Variants in TMEM150C observed in about 807,000 individuals in gnomAD.
TMEM150C encodes the protein transmembrane protein 150C.
Under a neutral mutation model 29.9 loss-of-function variants are expected in TMEM150C, and 10 were observed. That is an observed-to-expected ratio of 0.33 (90% CI 0.21 to 0.57). TMEM150C has a LOEUF of 0.57. TMEM150C is among the 20% of genes least tolerant of loss of function. The pLI, the probability that TMEM150C is intolerant of heterozygous loss-of-function variation, is 0.88. For synonymous variants in TMEM150C, 101 were observed against 112.5 expected (o/e 0.90, Z 0.64); for missense variants, 251 against 303.6 (o/e 0.83, Z 1.29).
chr4:82,499,924 C>A (rs975290352), intron 5 of TMEM150C, among the ~76,000 whole-genome samples: 2 of 151,994 alleles, frequency 1.3e-5, no homozygotes, highest in African/African-American at 2.4e-5. Context: ...TTTATGACTG[C>A]GGTAGAACAC....
At position 82,490,147 on chromosome 4, in the gene TMEM150C, A is replaced by T. The variant is rs1723287308; in HGVS notation, c.455T>A (p.Leu152His). ...LTCWIQAALT[L>H]KVNIKNEGRR... ...TCCTTCATTCTTGATGTTGACCTTG[A>T]GTGTCAGCGCAGCCTGGATCCAGCA... The change falls in exon 7 of 8, where the codon CTC becomes CAC. Residue 152 changes from leucine (L) to histidine (H), a missense_variant. Physicochemically the swap from Leu to His is moderately conservative, Grantham distance 99. Coordinates refer to ENST00000449862, the MANE Select transcript of TMEM150C (RefSeq NM_001080506.3). 1.2e-6 allele frequency: 2 copies of T among 1,613,896 alleles called. No individual in the cohort carries two copies. Among genetic ancestry groups the T allele is most frequent in the Admixed American group, 3.3e-5 (2 of 60,004 alleles).
At position 82,536,356 on chromosome 4, in the gene TMEM150C, CAAAAAAA is replaced by C. The variant is rs567469021; in HGVS notation, c.-11+25543_-11+25549del. The stretch of plus-strand genomic sequence containing the variant: ...CTGGCAACAGAGCGAGACTCCATCT[CAAAAAAA>C]AAAAAAAAAAAAAAAGAATTATTTA... On this transcript the variant is annotated intron_variant, in intron 1 of 7. Coordinates refer to ENST00000449862, the MANE Select transcript of TMEM150C (RefSeq NM_001080506.3). 4.7e-3 allele frequency among the ~76,000 whole-genome samples: 377 copies of C among 80,480 alleles called. 1 individual carries two copies. The highest frequency in any genetic ancestry group is 0.011 in the African/African-American group (352 of 31,756). 52.8% of individuals were successfully genotyped at this position (80,480 alleles called of 152,430 possible). A position where few individuals can be genotyped will look rare whatever the true frequency, so the allele number is the denominator to read the frequency against.
chr4:82,530,423 G>A (rs1241439243), intron 1 of TMEM150C, among the ~76,000 whole-genome samples: 1 of 152,120 alleles, frequency 6.6e-6, no homozygotes. Flanking sequence ...CGGGTGTGGT[G>A]GCGGGTGCCT....
intron 1 of TMEM150C, among the ~76,000 whole-genome samples, chr4:82,558,834 C>G (rs1198494331): frequency 6.6e-6 from 1 of 152,174 alleles, no homozygotes; most frequent in East Asian, 1.9e-4. Flanking sequence ...GCCATCATAT[C>G]CCCTGTGACC....
Position 82,485,650 on chromosome 4 carries a change from A to G in TMEM150C, c.611T>C (p.Phe204Ser), listed in dbSNP as rs1156544941. The change falls in exon 8 of 8, where the codon TTC becomes TCC. Residue 204 changes from phenylalanine to serine, a missense_variant. Phe to Ser is a radical substitution (Grantham distance 155, BLOSUM62 -2). Transcript: ENST00000449862. ...GGCAAAGGTGCCAAAATAAGACAGGAAGCACATGACCAGGCCCCACTGGAC... is the reference window on the plus strand; with the variant it reads ...GGCAAAGGTGCCAAAATAAGACAGGGAGCACATGACCAGGCCCCACTGGAC... ...ARVQWGLVMCFLSYFGTFAVE... is the reference protein window; with the variant it reads ...ARVQWGLVMCSLSYFGTFAVE... The G allele has an allele frequency of 1.9e-6, 3 of 1,609,678 alleles. No homozygotes were observed. The highest frequency in any genetic ancestry group is 2.5e-6 in the Non-Finnish European group (3 of 1,178,070).
intron 6 of TMEM150C, chr4:82,495,846 A>T (rs1723538850): frequency 1.1e-5 from 6 of 562,506 alleles, no homozygotes; most frequent in Non-Finnish European, 1.9e-5. Context: ...CTTCCACTTT[A>T]ATGAGTTTCT....
chr4:82,492,812 A>G (rs1374864923), intron 6 of TMEM150C, among the ~76,000 whole-genome samples: 1 of 101,968 alleles, frequency 9.8e-6, no homozygotes, highest in African/African-American at 4.0e-5. Flanking sequence ...AAAAAAAAAC[A>G]ACAAAGTCTA....
rs573833777 is a variant in TMEM150C, at chr4:82,485,459, G to T, written c.*52C>A. The T allele has an allele frequency of 4.9e-4, 689 of 1,392,644 alleles. 8 individuals are homozygous for T. The South Asian group carries it at 8.1e-3, about 16-fold the overall frequency. The allele number at this position is 1,392,644 out of a possible 1,614,324, so 86.3% of individuals were successfully genotyped here. On this transcript the variant is annotated 3_prime_UTR_variant, in exon 8 of 8. Transcript: ENST00000449862. ...TCAAGTCCTGTGAGTGTGTCCTACTGGCCCCTCCCCCACTGTCACACCCAC... is the reference window on the plus strand; with the variant it reads ...TCAAGTCCTGTGAGTGTGTCCTACTTGCCCCTCCCCCACTGTCACACCCAC...
intron 1 of TMEM150C, among the ~76,000 whole-genome samples, chr4:82,549,410 G>A (rs970866767): frequency 6.6e-6 from 1 of 152,144 alleles, no homozygotes. Context: ...GAGGTATCTA[G>A]AGAAATTAAA....
intron 1 of TMEM150C, among the ~76,000 whole-genome samples, chr4:82,541,782 T>C (rs10516675): frequency 0.1 from 15,395 of 152,240 alleles, 827 homozygotes; most frequent in Middle Eastern, 0.24. Context: ...ACTGTTGATA[T>C]ACTAAAACAG....
At chr4:82,505,427 A>C (rs1222483005) in intron 1 of TMEM150C, among the ~76,000 whole-genome samples, 4 of 152,228 alleles carry the variant, frequency 2.6e-5, no homozygotes, top group African/African-American at 9.6e-5. Flanking sequence ...GGGTTAGGTT[A>C]GGACTTTCGC....
chr4:82,493,491 C>A (rs1723437546), intron 6 of TMEM150C, among the ~76,000 whole-genome samples: 1 of 152,174 alleles, frequency 6.6e-6, no homozygotes, highest in African/African-American at 2.4e-5. Context: ...ACTAATTTGT[C>A]ATTTCTCATG....
chr4:82,535,971 G>A (rs544677802), intron 1 of TMEM150C, among the ~76,000 whole-genome samples: 5 of 152,174 alleles, frequency 3.3e-5, no homozygotes, highest in African/African-American at 7.2e-5. Flanking sequence ...TCCTGACATT[G>A]TCAAATGTCC....
intron 1 of TMEM150C, among the ~76,000 whole-genome samples, chr4:82,535,428 C>T (rs1265031212): frequency 6.6e-6 from 1 of 152,148 alleles, no homozygotes; most frequent in Non-Finnish European, 1.5e-5. Context: ...TCCTACCTTT[C>T]AATACAATCA....
chr4:82,559,144 C>T (rs539077123), intron 1 of TMEM150C, among the ~76,000 whole-genome samples: 5 of 152,204 alleles, frequency 3.3e-5, no homozygotes, highest in Non-Finnish European at 7.3e-5. Flanking sequence ...GATAATCCCA[C>T]CACCCTTTGC....
At chr4:82,558,812 A>G (rs1289876882) in intron 1 of TMEM150C, among the ~76,000 whole-genome samples, 1 of 152,246 alleles carries the variant, frequency 6.6e-6, no homozygotes, top group African/African-American at 2.4e-5. Context: ...CAGGCTTCTG[A>G]GCCCAAGCTA....
At chr4:82,537,276 C>G (rs770402151) in intron 1 of TMEM150C, among the ~76,000 whole-genome samples, 70 of 152,270 alleles carry the variant, frequency 4.6e-4, no homozygotes, top group Non-Finnish European at 1.9e-4. Flanking sequence ...TGAGCCACCG[C>G]GTCCGGCCCA....
rs201791174 is a variant in TMEM150C at position 82,485,587 on chromosome 4, G to A, written c.674C>T (p.Ser225Phe). The A allele has an allele frequency of 1.4e-3, 2,294 of 1,611,322 alleles. 3 individuals carry two copies. The highest frequency in any genetic ancestry group is 1.8e-3 in the Non-Finnish European group (2,112 of 1,178,810). Residue 225 changes from serine to phenylalanine, a missense_variant, in exon 8 of 8, where the codon TCT (serine) becomes TTT (phenylalanine). Ser to Phe is a radical substitution (Grantham distance 155). Coordinates refer to ENST00000449862, the MANE Select transcript of TMEM150C (RefSeq NM_001080506.3). Reference sequence around the variant, plus strand: ...GCTTAGGAAATTCTCCTGGTACTCAGAGCAAACAATCTCATAGCGGTAATG... The same window carrying A: ...GCTTAGGAAATTCTCCTGGTACTCAAAGCAAACAATCTCATAGCGGTAATG... ...FRHYRYEIVCSEYQENFLSFS... is the reference protein window; with the variant it reads ...FRHYRYEIVCFEYQENFLSFS...
chr4:82,550,785 G>A (rs1427960410), intron 1 of TMEM150C, among the ~76,000 whole-genome samples: 16 of 149,600 alleles, frequency 1.1e-4, no homozygotes, highest in Non-Finnish European at 1.6e-4. Flanking sequence ...GCGAGACTCC[G>A]TCTCAAAAAA....
Sources: gnomAD v4.1 joint callset for allele counts (sites outside exome capture counted in the v4.1 genomes callset) on GRCh38, gnomAD v4.1.1 for gene constraint, MANE v1.5 for transcripts, NCBI Gene and HGNC (gene_info 2026-07-23, HGNC 2026-07-21) for gene names.